Variants in GLI3 observed in about 807,000 individuals in gnomAD.
GLI3 encodes transcription activator GLI3.
A neutral mutation model predicts 100.8 loss-of-function variants in GLI3; 20 were observed. The observed-to-expected ratio is 0.20, with a 90% CI of 0.14 to 0.29. GLI3 has a LOEUF of 0.29. Among genes scored for constraint, GLI3 ranks in the 10% least tolerant of loss-of-function variants. The pLI is 1.00. For missense variants in GLI3, 2,040 were observed against 2,128.5 expected (o/e 0.96, Z 0.82); for synonymous variants, 938 against 860.5 (o/e 1.09, Z -1.58).
chr7:42,242,238 C>T (rs768222593), upstream of GLI3, among the ~76,000 whole-genome samples: 7 of 152,176 alleles, frequency 4.6e-5, no homozygotes, highest in Non-Finnish European at 7.3e-5. Context: ...TGATATGCAC[C>T]AGTAAATTTT....
chr7:42,138,414 G>A (rs184668700), intron 3 of GLI3, among the ~76,000 whole-genome samples: 1 of 152,174 alleles, frequency 6.6e-6, no homozygotes, highest in Non-Finnish European at 1.5e-5. Flanking sequence ...TATATGAGAG[G>A]TAAACTGCAC....
intron 2 of GLI3, among the ~76,000 whole-genome samples, chr7:42,159,489 A>T (rs1787082547): frequency 6.6e-6 from 1 of 152,224 alleles, no homozygotes; most frequent in South Asian, 2.1e-4. Context: ...CCAACTAAAG[A>T]TGATTATCGA....
In GLI3 at chr7:42,098,227, G is replaced by A. The variant is rs561139838; in HGVS notation, c.368-21370C>T. ...CTTGCACATGCCCTCCTCATCACAC[G>A]CTGAACAAATTCTCATTATTAGACC... On this transcript the variant is annotated intron_variant, in intron 3 of 14. Coordinates refer to ENST00000395925, the MANE Select transcript of GLI3 (RefSeq NM_000168.6). Among the ~76,000 whole-genome samples the A allele has an allele frequency of 2.2e-4, 34 of 152,104 alleles. 1 individual carries two copies. Among genetic ancestry groups the A allele is most frequent in the African/African-American group, 8.0e-4 (33 of 41,502 alleles).
intron 2 of GLI3, among the ~76,000 whole-genome samples, chr7:42,170,287 T>TATATATACACAC (rs1452471645): frequency 2.7e-4 from 34 of 124,004 alleles, no homozygotes; most frequent in African/African-American, 1.0e-3. Context: ...TATATATATA[T>TATATATACACAC]ACACACACAT....
chr7:41,992,405 G>C (rs962477254), intron 10 of GLI3, among the ~76,000 whole-genome samples: 1 of 152,116 alleles, frequency 6.6e-6, no homozygotes, highest in African/African-American at 2.4e-5. Context: ...GATGCCTCCA[G>C]GACATCTCTG....
At chr7:42,235,150 G>C (rs932312647) in intron 1 of GLI3, among the ~76,000 whole-genome samples, 14 of 152,116 alleles carry the variant, frequency 9.2e-5, no homozygotes, top group African/African-American at 3.4e-4. Context: ...TCCTTCAAAA[G>C]AATCTTGACA....
At chr7:42,009,634 A>G (rs982362917) in intron 10 of GLI3, among the ~76,000 whole-genome samples, 14 of 152,096 alleles carry the variant, frequency 9.2e-5, no homozygotes, top group African/African-American at 3.4e-4. Flanking sequence ...CTGGGCACGC[A>G]TGCTTCCTTT....
chr7:42,037,745 TA>T (rs1188380272), intron 7 of GLI3, among the ~76,000 whole-genome samples: 1 of 152,208 alleles, frequency 6.6e-6, no homozygotes, highest in African/African-American at 2.4e-5. Context: ...CTTCCATCTC[TA>T]ATGATATAAA....
chr7:42,081,577 T>C (rs1583540029), intron 3 of GLI3, among the ~76,000 whole-genome samples: 1 of 152,204 alleles, frequency 6.6e-6, no homozygotes, highest in Non-Finnish European at 1.5e-5. Flanking sequence ...CATTGATTTT[T>C]AGGTCTCTTC....
intron 2 of GLI3, among the ~76,000 whole-genome samples, chr7:42,157,697 A>C (rs1787037137): frequency 6.6e-6 from 1 of 152,228 alleles, no homozygotes; most frequent in Admixed American, 6.5e-5. Flanking sequence ...GTACAGAAAA[A>C]GCTGATTTGT....
intron 3 of GLI3, among the ~76,000 whole-genome samples, chr7:42,138,539 C>G (rs1786485300): frequency 6.6e-6 from 1 of 152,174 alleles, no homozygotes; most frequent in Non-Finnish European, 1.5e-5. Flanking sequence ...CACAGGAAAG[C>G]TACCATTGTA....
intron 2 of GLI3, among the ~76,000 whole-genome samples, chr7:42,197,185 G>C (rs1219090771): frequency 6.6e-6 from 1 of 152,182 alleles, no homozygotes; most frequent in East Asian, 1.9e-4. Context: ...ACGTCATCAA[G>C]TTTAATCGGC....
At chr7:41,984,682 A>G (rs1787764913) in intron 10 of GLI3, among the ~76,000 whole-genome samples, 1 of 152,238 alleles carries the variant, frequency 6.6e-6, no homozygotes, top group Non-Finnish European at 1.5e-5. Flanking sequence ...GCATTGCTAA[A>G]AACAGTGGAG....
At chr7:42,166,090 C>T (rs1044594604) in intron 2 of GLI3, among the ~76,000 whole-genome samples, 1 of 152,194 alleles carries the variant, frequency 6.6e-6, no homozygotes, top group African/African-American at 2.4e-5. Flanking sequence ...CAACTCCAAA[C>T]TGCCCAGCCT....
rs968164017 is a variant in GLI3 at position 42,051,289 on chromosome 7, G to T, written c.474-2593C>A. Among the ~76,000 whole-genome samples, 6 of 152,284 alleles carry T rather than the reference G, an allele frequency of 3.9e-5. 1 individual carries two copies. The South Asian group carries it at 1.2e-3, about 32-fold the overall frequency. On this transcript the variant is annotated intron_variant, in intron 4 of 14. Transcript: ENST00000395925. ...ATCCAAGCAGTGGGACTCAATGTGC[G>T]TGGACCTCAGCCTTGATACTCACCT...
intron 2 of GLI3, among the ~76,000 whole-genome samples, chr7:42,168,907 A>T (rs1787303031): frequency 6.6e-6 from 1 of 152,136 alleles, no homozygotes; most frequent in Non-Finnish European, 1.5e-5. Context: ...AATGAAGTGA[A>T]ATCCTGTCTC....
chr7:42,039,579 G>T (rs1454900073), intron 7 of GLI3, among the ~76,000 whole-genome samples: 1 of 152,164 alleles, frequency 6.6e-6, no homozygotes, highest in Non-Finnish European at 1.5e-5. Flanking sequence ...AAGTCCTGCT[G>T]TTTCTCTCTC....
chr7:42,015,747 A>G (rs546416934), intron 10 of GLI3, among the ~76,000 whole-genome samples: 1 of 152,036 alleles, frequency 6.6e-6, no homozygotes, highest in Non-Finnish European at 1.5e-5. Context: ...GCACACACAC[A>G]CACCCACCCC....
intron 2 of GLI3, among the ~76,000 whole-genome samples, chr7:42,188,846 G>A (rs1201886600): frequency 2.6e-5 from 4 of 152,168 alleles, no homozygotes; most frequent in Admixed American, 2.6e-4. Context: ...TGAAGAAAGG[G>A]AAGAACTGGT....
Sources: gnomAD v4.1 joint callset for allele counts (sites outside exome capture counted in the v4.1 genomes callset) on GRCh38, gnomAD v4.1.1 for gene constraint, MANE v1.5 for transcripts, NCBI Gene and HGNC (gene_info 2026-07-23, HGNC 2026-07-21) for gene names.